ARHGAP6: variants seen among roughly 807,000 people sequenced by gnomAD.
ARHGAP6 encodes the protein Rho GTPase activating protein 6.
In ARHGAP6, 16 loss-of-function variants were observed where a neutral mutation model predicts 55.7. The ratio of observed to expected loss-of-function variants is 0.29; its 90% CI spans 0.19 to 0.44. The LOEUF is 0.44. Ranked by LOEUF, ARHGAP6 falls within the 20% of genes least tolerant of loss-of-function variation. The pLI, the probability that ARHGAP6 is intolerant of heterozygous loss-of-function variation, is 1.00. For missense variants in ARHGAP6, 698 were observed against 808.9 expected, an observed-to-expected ratio of 0.86 and a Z score of 1.66; for synonymous variants, 382 against 360.9, an observed-to-expected ratio of 1.06 and a Z score of -0.66.
At chrX:11,315,991 CTCAATTTTTCCAGTAGA>C (rs1017631300) in intron 1 of ARHGAP6, among the ~76,000 whole-genome samples, 5 of 112,025 alleles carry the variant, frequency 4.5e-5, no homozygotes, top group African/African-American at 1.6e-4. Flanking sequence ...TCAATAGCAA[CTCAATTTTTCCAGTAGA>C]TCAGGCCAAA....
chrX:11,539,602 A>T (rs960381987), intron 1 of ARHGAP6, among the ~76,000 whole-genome samples: 1 of 112,020 alleles, frequency 8.9e-6, no homozygotes, highest in Non-Finnish European at 1.9e-5. Flanking sequence ...TCCTCTCAGG[A>T]GATGTTTCAC....
At chrX:11,417,851 G>T (rs371668850) in intron 1 of ARHGAP6, among the ~76,000 whole-genome samples, 8 of 111,820 alleles carry the variant, frequency 7.2e-5, no homozygotes, top group Non-Finnish European at 1.5e-4. Context: ...CATAAGGTCA[G>T]AGCTTTGGTT....
chrX:11,549,377 C>T (rs903428168), intron 1 of ARHGAP6, among the ~76,000 whole-genome samples: 1 of 112,083 alleles, frequency 8.9e-6, no homozygotes, highest in African/African-American at 3.2e-5. Flanking sequence ...TACTTGCAAA[C>T]TATTCATCCA....
At chrX:11,420,550 G>C (rs2049808995) in intron 1 of ARHGAP6, among the ~76,000 whole-genome samples, 1 of 111,055 alleles carries the variant, frequency 9.0e-6, no homozygotes, top group South Asian at 3.9e-4. Flanking sequence ...CAATTCAATG[G>C]GAGAACAGGT....
Position 11,247,439 on chromosome X carries a change from A to G in ARHGAP6, c.748+7109T>C, listed in dbSNP as rs770662702. Among the ~76,000 whole-genome samples the G allele has an allele frequency of 3.6e-5, 4 of 112,657 alleles. No individual in the cohort carries two copies. The Admixed American group carries it at 3.8e-4, about 11-fold the overall frequency. Reference sequence around the variant, plus strand: ...GTGCTATAGTGATTGTGGCAGGAATAAGTTATTTTCTTTCATTTTACCTTA... The same window carrying G: ...GTGCTATAGTGATTGTGGCAGGAATGAGTTATTTTCTTTCATTTTACCTTA... On this transcript the variant is annotated intron_variant, in intron 2 of 12. Coordinates refer to ENST00000337414, the MANE Select transcript of ARHGAP6 (RefSeq NM_013427.3).
At chrX:11,257,632 T>C (rs2047509040) in intron 1 of ARHGAP6, among the ~76,000 whole-genome samples, 1 of 112,175 alleles carries the variant, frequency 8.9e-6, no homozygotes. Context: ...AAACAATATT[T>C]AATAAGCACA....
At chrX:11,515,954 C>T (rs1019925257) in intron 1 of ARHGAP6, among the ~76,000 whole-genome samples, 2 of 112,501 alleles carry the variant, frequency 1.8e-5, no homozygotes, top group Non-Finnish European at 3.8e-5. Context: ...CACCCCCAAA[C>T]GTGATATCCC....
chrX:11,408,704 A>C (rs986004684), intron 1 of ARHGAP6, among the ~76,000 whole-genome samples: 1 of 110,232 alleles, frequency 9.1e-6, no homozygotes, highest in Admixed American at 9.7e-5. Context: ...AACAGACAGA[A>C]GCAGATTTAA....
intron 1 of ARHGAP6, among the ~76,000 whole-genome samples, chrX:11,494,730 C>T (rs1487467719): frequency 8.9e-6 from 1 of 111,918 alleles, no homozygotes; most frequent in Admixed American, 9.4e-5. Context: ...CTGAAGGTCA[C>T]AGGTCCTGCT....
intron 1 of ARHGAP6, among the ~76,000 whole-genome samples, chrX:11,545,482 AT>A (rs913901531): frequency 8.9e-5 from 10 of 112,250 alleles, no homozygotes; most frequent in South Asian, 3.7e-4. Flanking sequence ...CTTAAAAAAA[AT>A]AATTTGTGCT....
chrX:11,500,081 T>C (rs1463514434), intron 1 of ARHGAP6, among the ~76,000 whole-genome samples: 1 of 112,145 alleles, frequency 8.9e-6, no homozygotes, highest in African/African-American at 3.2e-5. Context: ...AATTGTTTAG[T>C]CACATGTAGA....
intron 1 of ARHGAP6, among the ~76,000 whole-genome samples, chrX:11,452,393 C>A (rs758081121): frequency 9.0e-6 from 1 of 111,580 alleles, no homozygotes; most frequent in African/African-American, 3.3e-5. Flanking sequence ...GGTGATCCGC[C>A]CACCTCAGCC....
intron 1 of ARHGAP6, among the ~76,000 whole-genome samples, chrX:11,625,664 A>G (rs2052289983): frequency 8.9e-6 from 1 of 112,081 alleles, no homozygotes; most frequent in Non-Finnish European, 1.9e-5. Flanking sequence ...TATATTTCAA[A>G]ATAGGTAAAA....
chrX:11,194,661 C>A (rs1471545559), intron 3 of ARHGAP6, among the ~76,000 whole-genome samples: 1 of 112,032 alleles, frequency 8.9e-6, no homozygotes, highest in Non-Finnish European at 1.9e-5. Flanking sequence ...CAGGACAGCC[C>A]CTACCCCAGA....
At chrX:11,319,447 T>C (rs2048402616) in intron 1 of ARHGAP6, among the ~76,000 whole-genome samples, 1 of 111,878 alleles carries the variant, frequency 8.9e-6, no homozygotes, top group African/African-American at 3.3e-5. Flanking sequence ...GCATTTCTAA[T>C]GTTTCAGGGT....
At chrX:11,631,524 C>T (rs1231887415) in intron 1 of ARHGAP6, among the ~76,000 whole-genome samples, 1 of 107,100 alleles carries the variant, frequency 9.3e-6, no homozygotes, top group African/African-American at 3.4e-5. Context: ...AAAACTCCGT[C>T]TAAAAAAAAA....
intron 1 of ARHGAP6, among the ~76,000 whole-genome samples, chrX:11,384,805 G>C (rs1242477007): frequency 9.0e-6 from 1 of 111,517 alleles, no homozygotes; most frequent in Non-Finnish European, 1.9e-5. Flanking sequence ...GACCATTCTA[G>C]TGGGGGTGGA....
intron 1 of ARHGAP6, among the ~76,000 whole-genome samples, chrX:11,611,249 T>C (rs1243676689): frequency 8.9e-6 from 1 of 112,322 alleles, no homozygotes; most frequent in Non-Finnish European, 1.9e-5. Context: ...CTCTAAAACA[T>C]AACTTTTCTA....
rs1357269039 is a variant in ARHGAP6 at position 11,156,564 on chromosome X, C to G, written c.1872G>C (p.Val624=). Residue 624 remains valine, a synonymous_variant, in exon 10 of 13, where the codon GTG becomes GTC. Transcript: ENST00000337414. The part of the protein sequence containing the change: ...ISLLETDPDV[V]DYLLRRKASQ... ...AAGCCTTTCTTCTGAGTAAATAGTC[C>G]ACGACATCAGGATCGGTCTCTAACA... is the stretch of plus-strand genomic sequence containing the variant. 2 of 1,209,533 alleles carry G rather than the reference C, an allele frequency of 1.7e-6. No homozygotes were observed. Among genetic ancestry groups the G allele is most frequent in the African/African-American group, 3.5e-5 (2 of 57,184 alleles).
Sources: allele counts gnomAD v4.1 joint callset (sites outside exome capture counted in the v4.1 genomes callset), GRCh38; gene constraint gnomAD v4.1.1; transcripts MANE v1.5; gene names NCBI Gene and HGNC (gene_info 2026-07-23, HGNC 2026-07-21).